ATP2B2: variants seen among roughly 807,000 people sequenced by gnomAD.
ATP2B2 encodes ATPase plasma membrane Ca2+ transporting 2.
Under a neutral mutation model 120.0 loss-of-function variants are expected in ATP2B2, and 15 were observed. The ratio of observed to expected loss-of-function variants is 0.12; its 90% CI spans 0.08 to 0.19. The LOEUF is 0.19. Ranked by LOEUF, ATP2B2 falls within the 10% of genes least tolerant of loss-of-function variation. ATP2B2 has a pLI of 1.00. For synonymous variants in ATP2B2, 694 were observed against 700.3 expected, an observed-to-expected ratio of 0.99 and a Z score of 0.14; for missense variants, 1,045 against 1,719.8, an observed-to-expected ratio of 0.61 and a Z score of 6.94.
intron 2 of ATP2B2, 117 bp from the exon 3 acceptor site, chr3:10,410,932 G>A (rs1275102664): frequency 1.6e-6 from 2 of 1,244,700 alleles, no homozygotes; most frequent in South Asian, 1.2e-5. Context: ...GGCTGGCCCA[G>A]GAGCCCAACA....
intron 9 of ATP2B2, 57 bp from the exon 10 acceptor site, chr3:10,378,467 G>C: frequency 6.3e-7 from 1 of 1,596,188 alleles, no homozygotes. Context: ...ACACATGCAG[G>C]TCAGCCCACA....
chr3:10,560,761 C>A (rs1238943384), intron 2 of ATP2B2, among the ~76,000 whole-genome samples: 1 of 152,202 alleles, frequency 6.6e-6, no homozygotes, highest in African/African-American at 2.4e-5. Context: ...CTTCTGGGGG[C>A]TGGATTCGAG....
chr3:10,697,287 T>C (rs112492084), intron 1 of ATP2B2, among the ~76,000 whole-genome samples: 1 of 152,198 alleles, frequency 6.6e-6, no homozygotes, highest in Non-Finnish European at 1.5e-5. Flanking sequence ...CACAGCCCCT[T>C]TGCAGAAGGG....
intron 1 of ATP2B2, among the ~76,000 whole-genome samples, chr3:10,663,712 G>A (rs575806153): frequency 4.6e-5 from 7 of 152,230 alleles, no homozygotes; most frequent in East Asian, 1.9e-4. Context: ...TGCAGACAGC[G>A]GCATAGAGGG....
chr3:10,448,134 A>G (rs563057918), intron 2 of ATP2B2, among the ~76,000 whole-genome samples: 2 of 152,342 alleles, frequency 1.3e-5, no homozygotes, highest in Admixed American at 6.5e-5. Context: ...TGGACAGAGG[A>G]GACAGGCTCC....
chr3:10,578,446 T>C (rs1054097044), intron 2 of ATP2B2, among the ~76,000 whole-genome samples: 3 of 147,580 alleles, frequency 2.0e-5, no homozygotes, highest in Non-Finnish European at 3.0e-5. Context: ...ACTCGGGAGG[T>C]TGAGGCAGGA....
Position 10,540,556 on chromosome 3 carries a change from A to C in ATP2B2, c.-414-6423T>G, listed in dbSNP as rs1464684769. Among the ~76,000 whole-genome samples the C allele has an allele frequency of 3.3e-5, 5 of 152,046 alleles. No individual in the cohort carries two copies. In the East Asian group the frequency reaches 9.6e-4, roughly 29 times the overall value. On this transcript the variant is annotated intron_variant, in intron 2 of 21. Coordinates refer to the ATP2B2 transcript ENST00000646379. ...ATGTAGCCATAAAAAAGGATGAGTT[A>C]ATGTCCTTTGTAGGGACATGGACGA...
At chr3:10,563,272 T>A (rs1403469865) in intron 2 of ATP2B2, among the ~76,000 whole-genome samples, 1 of 152,122 alleles carries the variant, frequency 6.6e-6, no homozygotes, top group Admixed American at 6.5e-5. Flanking sequence ...GTTAAGTGAC[T>A]TTTGCATGGT....
intron 2 of ATP2B2, among the ~76,000 whole-genome samples, chr3:10,565,105 G>A (rs2067982894): frequency 6.6e-6 from 1 of 152,196 alleles, no homozygotes; most frequent in Non-Finnish European, 1.5e-5. Flanking sequence ...ATCCCACCAT[G>A]TAAATGAGGA....
At chr3:10,416,432 A>G (rs2062783195) in intron 2 of ATP2B2, among the ~76,000 whole-genome samples, 1 of 152,204 alleles carries the variant, frequency 6.6e-6, no homozygotes, top group African/African-American at 2.4e-5. Context: ...TCAGGCCATT[A>G]AAGAGGTTTC....
intron 1 of ATP2B2, among the ~76,000 whole-genome samples, chr3:10,675,073 T>C (rs910482350): frequency 4.6e-5 from 7 of 152,232 alleles, no homozygotes; most frequent in African/African-American, 1.7e-4. Flanking sequence ...ATGATTCAAT[T>C]CCTATTAAAC....
At chr3:10,360,246 C>A in intron 12 of ATP2B2, 123 bp from the exon 13 acceptor site, 1 of 1,445,288 alleles carries the variant, frequency 6.9e-7, no homozygotes, top group South Asian at 1.5e-5. Flanking sequence ...GCTGAGCCCT[C>A]AGGGAGCCCT....
intron 2 of ATP2B2, among the ~76,000 whole-genome samples, chr3:10,543,265 C>A (rs115470107): frequency 6.6e-6 from 1 of 152,338 alleles, no homozygotes; most frequent in Admixed American, 6.5e-5. Context: ...GTTTAAGCCA[C>A]CCAGTCTGTG....
intron 13 of ATP2B2, 67 bp from the exon 14 acceptor site, chr3:10,358,992 C>G (rs529957429): frequency 2.3e-5 from 33 of 1,463,232 alleles, no homozygotes; most frequent in Non-Finnish European, 3.1e-5. Flanking sequence ...TAGAGACCAC[C>G]TCCCCACCCT....
At chr3:10,563,644 G>A (rs1170605236) in intron 2 of ATP2B2, among the ~76,000 whole-genome samples, 1 of 152,246 alleles carries the variant, frequency 6.6e-6, no homozygotes, top group East Asian at 1.9e-4. Context: ...GGGCAAGACT[G>A]GGGCTGATGC....
intron 1 of ATP2B2, among the ~76,000 whole-genome samples, chr3:10,640,637 G>C (rs1224573278): frequency 3.9e-5 from 6 of 152,208 alleles, no homozygotes; most frequent in Admixed American, 6.5e-5. Flanking sequence ...TTCTGGAGGA[G>C]GAGGGCCCTT....
At chr3:10,496,751 C>T (rs1369308577) in intron 1 of ATP2B2, among the ~76,000 whole-genome samples, 1 of 152,170 alleles carries the variant, frequency 6.6e-6, no homozygotes, top group Non-Finnish European at 1.5e-5. Flanking sequence ...TTTAAAGTCT[C>T]AGGGGGCCCA....
intron 2 of ATP2B2, among the ~76,000 whole-genome samples, chr3:10,552,275 G>T (rs757776706): frequency 6.6e-6 from 1 of 152,242 alleles, no homozygotes; most frequent in Non-Finnish European, 1.5e-5. Flanking sequence ...AAGAAAAGGG[G>T]AAGAGGGGGC....
chr3:10,583,176 C>A (rs763959393), intron 2 of ATP2B2, among the ~76,000 whole-genome samples: 7 of 152,178 alleles, frequency 4.6e-5, no homozygotes, highest in Admixed American at 1.3e-4. Flanking sequence ...CATCTTGAAG[C>A]CCTTGCAAAG....
Sources: gnomAD v4.1 joint callset for allele counts (sites outside exome capture counted in the v4.1 genomes callset) on GRCh38, gnomAD v4.1.1 for gene constraint, MANE v1.5 for transcripts, NCBI Gene and HGNC (gene_info 2026-07-23, HGNC 2026-07-21) for gene names.